DCDC2: variants seen among roughly 807,000 people sequenced by gnomAD.
DCDC2 encodes doublecortin domain-containing protein 2.
A neutral mutation model predicts 50.2 loss-of-function variants in DCDC2; 40 were observed. That is an observed-to-expected ratio of 0.80 (90% confidence interval 0.62 to 1.04). The LOEUF is 1.04. DCDC2 is among the 50% of genes least tolerant of loss of function. The pLI is 0.00. For synonymous variants in DCDC2, 234 were observed against 210.6 expected, an observed-to-expected ratio of 1.11 and a Z score of -0.96; for missense variants, 570 against 581.9, an observed-to-expected ratio of 0.98 and a Z score of 0.21.
chr6:24,358,912 TTA>T (rs1199636118), upstream of DCDC2, among the ~76,000 whole-genome samples: 187 of 26,552 alleles, frequency 7.0e-3, 6 homozygotes, highest in African/African-American at 0.041. Context: ...ATATTATATA[TTA>T]TATATATTAT....
intron 2 of DCDC2, among the ~76,000 whole-genome samples, chr6:24,333,833 A>T (rs1393122545): frequency 1.3e-5 from 2 of 152,222 alleles, no homozygotes; most frequent in Non-Finnish European, 2.9e-5. Flanking sequence ...GGTGTACAGT[A>T]GCTTGGGTTA....
intron 2 of DCDC2, among the ~76,000 whole-genome samples, chr6:24,315,485 G>T (rs1264918545): frequency 2.0e-5 from 3 of 152,092 alleles, no homozygotes; most frequent in Non-Finnish European, 4.4e-5. Context: ...CACAGAGAGG[G>T]CTCATTCATT....
chr6:24,208,281 T>C (rs2113764209), intron 7 of DCDC2, among the ~76,000 whole-genome samples: 1 of 151,650 alleles, frequency 6.6e-6, no homozygotes, highest in Middle Eastern at 3.4e-3. Context: ...TACTCAGCTG[T>C]CAATGTTTCA....
intron 2 of DCDC2, among the ~76,000 whole-genome samples, chr6:24,307,890 A>G (rs189901666): frequency 2.0e-5 from 3 of 152,294 alleles, no homozygotes; most frequent in East Asian, 3.9e-4. Flanking sequence ...GAAAGTGCCA[A>G]TGTCACTTTG....
Position 24,306,535 on chromosome 6 carries a change from TAGATAGATAGACAGACAGAC to T in DCDC2, c.349-4511_349-4492del, listed in dbSNP as rs1258161035. Among the ~76,000 whole-genome samples, 387 of 119,184 alleles carry T rather than the reference TAGATAGATAGACAGACAGAC, an allele frequency of 3.2e-3. 2 individuals carry two copies. Among genetic ancestry groups the T allele is most frequent in the African/African-American group, 0.011 (370 of 33,410 alleles). The allele number at this position is 119,184 out of a possible 152,430, so 78.2% of individuals were successfully genotyped here. A position where few individuals can be genotyped will look rare whatever the true frequency, so the allele number is the denominator to read the frequency against. On this transcript the variant is annotated intron_variant, in intron 2 of 9. Coordinates refer to ENST00000378454, the MANE Select transcript of DCDC2 (RefSeq NM_016356.5). Reference sequence around the variant, plus strand: ...ATAGATAGATAGATAGATAGATAGATAGATAGATAGACAGACAGACAGACAGACAGACAGACAGACAAAAT... The same window carrying T: ...ATAGATAGATAGATAGATAGATAGATAGACAGACAGACAGACAGACAAAAT...
chr6:24,375,367 T>A, the DCDC2 span, among the ~76,000 whole-genome samples: 1 of 152,006 alleles, frequency 6.6e-6, no homozygotes, highest in African/African-American at 2.4e-5. Flanking sequence ...TGGGCCCCAG[T>A]GTCACATCTG....
intron 7 of DCDC2, among the ~76,000 whole-genome samples, chr6:24,248,545 T>C (rs1240742225): frequency 6.6e-6 from 1 of 152,218 alleles, no homozygotes; most frequent in Non-Finnish European, 1.5e-5. Flanking sequence ...TATCATTTTG[T>C]GGCACAATTT....
intron 2 of DCDC2, among the ~76,000 whole-genome samples, chr6:24,319,218 T>C (rs1561772983): frequency 6.6e-6 from 1 of 152,144 alleles, no homozygotes; most frequent in Non-Finnish European, 1.5e-5. Context: ...TTTTTGGCCA[T>C]TTGTATGCCT....
chr6:24,285,833 G>A (rs1384948837), intron 6 of DCDC2, among the ~76,000 whole-genome samples: 1 of 152,086 alleles, frequency 6.6e-6, no homozygotes, highest in Non-Finnish European at 1.5e-5. Flanking sequence ...TCCTGACATC[G>A]ACTTTCCCTG....
chr6:24,342,096 T>C (rs974593409), intron 2 of DCDC2, among the ~76,000 whole-genome samples: 13 of 152,368 alleles, frequency 8.5e-5, no homozygotes, highest in Non-Finnish European at 1.9e-4. Context: ...TTCTTATTAC[T>C]GACTCCTTTG....
chr6:24,354,017 C>T (rs998627356), intron 1 of DCDC2, among the ~76,000 whole-genome samples: 3 of 152,190 alleles, frequency 2.0e-5, no homozygotes, highest in South Asian at 2.1e-4. Flanking sequence ...GTACTGATAG[C>T]GTGCATTAGG....
At chr6:24,231,638 C>T (rs1276008239) in intron 7 of DCDC2, among the ~76,000 whole-genome samples, 1 of 151,874 alleles carries the variant, frequency 6.6e-6, no homozygotes, top group Non-Finnish European at 1.5e-5. Flanking sequence ...GAAGGGAGTG[C>T]TATCCTCTCC....
chr6:24,312,204 A>G (rs546065871), intron 2 of DCDC2, among the ~76,000 whole-genome samples: 1 of 142,262 alleles, frequency 7.0e-6, no homozygotes, highest in Non-Finnish European at 1.5e-5. Context: ...AAACTGCCTC[A>G]CCCCATCTCC....
intron 7 of DCDC2, among the ~76,000 whole-genome samples, chr6:24,205,880 C>T (rs951959062): frequency 1.3e-5 from 2 of 152,170 alleles, no homozygotes; most frequent in African/African-American, 4.8e-5. Context: ...TGCCTCAAGA[C>T]AGGTTTAGTG....
At chr6:24,277,461 T>TA (rs1339211552) in intron 7 of DCDC2, among the ~76,000 whole-genome samples, 1 of 152,236 alleles carries the variant, frequency 6.6e-6, no homozygotes, top group Admixed American at 6.5e-5. Flanking sequence ...CATACTTCCT[T>TA]AGTCTACCAC....
chr6:24,206,153 A>G (rs1317540532), intron 7 of DCDC2, among the ~76,000 whole-genome samples: 4 of 152,216 alleles, frequency 2.6e-5, no homozygotes, highest in Non-Finnish European at 4.4e-5. Context: ...AATGTAAAAT[A>G]TATTTTTACA....
intron 7 of DCDC2, among the ~76,000 whole-genome samples, chr6:24,229,141 T>C (rs540450277): frequency 6.6e-6 from 1 of 152,334 alleles, no homozygotes; most frequent in Admixed American, 6.5e-5. Context: ...ATTTATTGTC[T>C]TACAGTTCTG....
At chr6:24,224,382 A>G (rs1021876080) in intron 7 of DCDC2, among the ~76,000 whole-genome samples, 3 of 152,234 alleles carry the variant, frequency 2.0e-5, no homozygotes, top group South Asian at 2.1e-4. Flanking sequence ...ATGTGTTCTC[A>G]TGGTCTAATA....
intron 7 of DCDC2, among the ~76,000 whole-genome samples, chr6:24,208,762 G>T (rs976207875): frequency 6.6e-6 from 1 of 152,112 alleles, no homozygotes; most frequent in Non-Finnish European, 1.5e-5. Flanking sequence ...CCCCTTCCCT[G>T]CTAGACCACA....
Sources: gnomAD v4.1 joint callset for allele counts (sites outside exome capture counted in the v4.1 genomes callset) on GRCh38, gnomAD v4.1.1 for gene constraint, MANE v1.5 for transcripts, NCBI Gene and HGNC (gene_info 2026-07-23, HGNC 2026-07-21) for gene names.